The following SYT1 variants were observed in gnomAD, a reference collection of about 807,000 sequenced individuals.
SYT1 encodes the protein synaptotagmin 1.
In SYT1, 8 loss-of-function variants were observed where a neutral mutation model predicts 44.8. The ratio of observed to expected loss-of-function variants is 0.18; its 90% CI spans 0.10 to 0.32. The LOEUF is 0.32. Among genes scored for constraint, SYT1 ranks in the 10% least tolerant of loss-of-function variants. SYT1 has a pLI of 1.00. For synonymous variants in SYT1, 154 were observed against 188.8 expected, an observed-to-expected ratio of 0.82 and a Z score of 1.51; for missense variants, 286 against 509.3, an observed-to-expected ratio of 0.56 and a Z score of 4.22.
At chr12:79,267,730 A>G (rs1404290933) in intron 4 of SYT1, among the ~76,000 whole-genome samples, 1 of 152,188 alleles carries the variant, frequency 6.6e-6, no homozygotes, top group Admixed American at 6.6e-5. Flanking sequence ...CTTACCTGGC[A>G]TCCTTTACGT....
At chr12:79,253,483 GTCTCTCTC>G (rs60179268) in intron 4 of SYT1, among the ~76,000 whole-genome samples, 2,401 of 129,406 alleles carry the variant, frequency 0.019, 25 homozygotes, top group Non-Finnish European at 0.024. Context: ...CCATTGCCCA[GTCTCTCTC>G]TCTCTCTCTC....
intron 3 of SYT1, among the ~76,000 whole-genome samples, chr12:79,128,406 A>G (rs1868579235): frequency 6.6e-6 from 1 of 152,130 alleles, no homozygotes; most frequent in Admixed American, 6.6e-5. Flanking sequence ...AAAAAGATAC[A>G]CAGATAGATA....
intron 1 of SYT1, among the ~76,000 whole-genome samples, chr12:78,957,293 G>A (rs1290089136): frequency 6.6e-6 from 1 of 152,100 alleles, no homozygotes; most frequent in Non-Finnish European, 1.5e-5. Flanking sequence ...CATGGTGAGA[G>A]CCTGTCTCTA....
intron 1 of SYT1, among the ~76,000 whole-genome samples, chr12:78,884,402 A>T (rs73349511): frequency 6.6e-6 from 1 of 151,526 alleles, no homozygotes; most frequent in Non-Finnish European, 1.5e-5. Context: ...AAGCTAATTC[A>T]GTTTGATAAT....
intron 1 of SYT1, among the ~76,000 whole-genome samples, chr12:78,908,018 G>C (rs1876096591): frequency 6.6e-6 from 1 of 152,042 alleles, no homozygotes; most frequent in African/African-American, 2.4e-5. Context: ...TGATCACACT[G>C]AAAGTATGCA....
At chr12:79,350,306 G>A (rs1192826022) in intron 8 of SYT1, among the ~76,000 whole-genome samples, 2 of 143,298 alleles carry the variant, frequency 1.4e-5, no homozygotes, top group Non-Finnish European at 3.0e-5. Flanking sequence ...AGGCTGGAGT[G>A]CAGTGGCGCG....
At chr12:78,914,625 G>T (rs1173314476) in intron 1 of SYT1, among the ~76,000 whole-genome samples, 1 of 151,270 alleles carries the variant, frequency 6.6e-6, no homozygotes, top group Non-Finnish European at 1.5e-5. Flanking sequence ...ATTTACATAA[G>T]TTTAAATAGA....
At chr12:79,250,149 A>G (rs1038299204) in intron 4 of SYT1, among the ~76,000 whole-genome samples, 3 of 152,324 alleles carry the variant, frequency 2.0e-5, no homozygotes, top group Admixed American at 1.3e-4. Context: ...TACAAAATCT[A>G]TCTAAAAGTG....
chr12:78,980,776 T>C (rs945352591), intron 2 of SYT1, among the ~76,000 whole-genome samples: 1 of 152,128 alleles, frequency 6.6e-6, no homozygotes, highest in Non-Finnish European at 1.5e-5. Context: ...AATATTACAT[T>C]ATATATTTAC....
chr12:78,877,249 G>A (rs995574045), intron 1 of SYT1, among the ~76,000 whole-genome samples: 16 of 151,344 alleles, frequency 1.1e-4, no homozygotes, highest in East Asian at 9.8e-4. Context: ...CCTATGTGGC[G>A]GTAGGCAAAG....
At chr12:78,924,173 A>G (rs1877168286) in intron 1 of SYT1, among the ~76,000 whole-genome samples, 2 of 152,054 alleles carry the variant, frequency 1.3e-5, no homozygotes, top group Admixed American at 6.6e-5. Flanking sequence ...GCAATGCATC[A>G]TATCAGAAGG....
At chr12:79,367,265 G>A (rs1883587043) in intron 9 of SYT1, among the ~76,000 whole-genome samples, 1 of 152,114 alleles carries the variant, frequency 6.6e-6, no homozygotes, top group African/African-American at 2.4e-5. Flanking sequence ...TAATTATCAA[G>A]TTAATGCCTG....
At chr12:79,372,574 T>A (rs2136052200) in intron 9 of SYT1, among the ~76,000 whole-genome samples, 1 of 152,264 alleles carries the variant, frequency 6.6e-6, no homozygotes, top group East Asian at 1.9e-4. Context: ...GTAGACACAG[T>A]CTAAATCACT....
intron 9 of SYT1, among the ~76,000 whole-genome samples, chr12:79,432,682 C>T (rs561412883): frequency 3.3e-5 from 5 of 152,232 alleles, no homozygotes; most frequent in South Asian, 2.1e-4. Context: ...GGCACAATCT[C>T]AGCTCACTGC....
chr12:79,110,512 C>A (rs1352053878), intron 3 of SYT1, among the ~76,000 whole-genome samples: 3 of 152,058 alleles, frequency 2.0e-5, no homozygotes, highest in Non-Finnish European at 4.4e-5. Context: ...AAACATTTTA[C>A]ATTTTGTTAC....
At chr12:79,163,639 CT>C (rs1449945578) in intron 3 of SYT1, among the ~76,000 whole-genome samples, 2 of 152,182 alleles carry the variant, frequency 1.3e-5, no homozygotes, top group African/African-American at 2.4e-5. Context: ...AAACTCTGCT[CT>C]TTCTATTGCC....
chr12:78,941,065 CTTTTT>C lies in SYT1; in HGVS notation c.-216-36720_-216-36716del, dbSNP rs398044555. 4.4e-5 allele frequency among the ~76,000 whole-genome samples: 3 copies of C among 68,442 alleles called. No homozygotes were observed. In the South Asian group the frequency reaches 1.9e-3, roughly 44 times the overall value. The allele number at this position is 68,442 out of a possible 152,430, so 44.9% of individuals were successfully genotyped here. On this transcript the variant is annotated intron_variant, in intron 1 of 10. Transcript: ENST00000261205. ...CTTTACTTTTTTTTTCTTTTTTTTT[CTTTTT>C]TTTTTTTTTTTTTGAGATGGAGTCT...
chr12:78,888,003 A>G (rs1353953392), intron 1 of SYT1, among the ~76,000 whole-genome samples: 1 of 151,948 alleles, frequency 6.6e-6, no homozygotes, highest in Non-Finnish European at 1.5e-5. Context: ...TATGATAGAC[A>G]ATTTAAAGTA....
chr12:79,159,716 G>A (rs1870831407), intron 3 of SYT1, among the ~76,000 whole-genome samples: 1 of 152,108 alleles, frequency 6.6e-6, no homozygotes, highest in African/African-American at 2.4e-5. Context: ...GGAGATTACT[G>A]TACACAGAAA....
Sources: gnomAD v4.1 joint callset for allele counts (sites outside exome capture counted in the v4.1 genomes callset) on GRCh38, gnomAD v4.1.1 for gene constraint, MANE v1.5 for transcripts, NCBI Gene and HGNC (gene_info 2026-07-23, HGNC 2026-07-21) for gene names.